Variants in RAG1 observed in about 807,000 individuals in gnomAD.
The protein encoded by RAG1 is V(D)J recombination-activating protein 1.
Under a neutral mutation model 62.7 loss-of-function variants are expected in RAG1, and 35 were observed. The ratio of observed to expected loss-of-function variants is 0.56; its 90% CI spans 0.43 to 0.74. The LOEUF (loss-of-function observed/expected upper bound fraction) is 0.74. Among genes scored for constraint, RAG1 ranks in the 30% least tolerant of loss-of-function variants. The pLI is 0.00. For missense variants in RAG1, 1,169 were observed against 1,278.6 expected, an observed-to-expected ratio of 0.91 and a Z score of 1.31; for synonymous variants, 461 against 470.3, an observed-to-expected ratio of 0.98 and a Z score of 0.26.
intron 3 of RAG1, among the ~76,000 whole-genome samples, chr11:36,562,324 A>G (rs1393841531): frequency 2.0e-5 from 3 of 152,180 alleles, no homozygotes; most frequent in Admixed American, 1.3e-4. Context: ...TTGAGATAAC[A>G]TTGTATTTAA....
At position 36,575,286 on chromosome 11, in the gene RAG1, T is replaced by C; in HGVS notation, c.1982T>C (p.Met661Thr). ...SELCCKPLCL[M>T]LADESDHETL... Reference sequence around the variant, plus strand: ...CTGTGTTGCAAGCCATTGTGCCTTATGCTGGCAGATGAGTCTGACCACGAG... The same window carrying C: ...CTGTGTTGCAAGCCATTGTGCCTTACGCTGGCAGATGAGTCTGACCACGAG... Residue 661 changes from methionine (M) to threonine (T), a missense_variant, in exon 2 of 2, where the codon ATG becomes ACG. Around this residue, in one of 2 missense-constraint regions of RAG1, gnomAD observed 800 missense variants for 943.3 expected, o/e 0.85. Coordinates refer to ENST00000299440, the MANE Select transcript of RAG1 (RefSeq NM_000448.3). The surrounding 1 kb of genome is among the most constrained non-coding windows in gnomAD (Gnocchi z 4.1). The C allele has an allele frequency of 6.2e-7, 1 of 1,614,244 alleles. No homozygotes were observed. The highest frequency in any genetic ancestry group is 8.5e-7 in the Non-Finnish European group (1 of 1,180,042).
chr11:36,562,031 G>C (rs1850591874), intron 3 of RAG1, among the ~76,000 whole-genome samples: 1 of 152,198 alleles, frequency 6.6e-6, no homozygotes, highest in Non-Finnish European at 1.5e-5. Context: ...GGAAAAGGCA[G>C]GGAAAGTCAT....
At chr11:36,560,056 G>T (rs938048764) in intron 3 of RAG1, among the ~76,000 whole-genome samples, 4 of 152,140 alleles carry the variant, frequency 2.6e-5, no homozygotes, top group African/African-American at 9.7e-5. Context: ...AGTGTCGATT[G>T]GGTAAAGTGG....
chr11:36,540,233 G>C (rs940562425), downstream of RAG1, among the ~76,000 whole-genome samples: 1 of 152,124 alleles, frequency 6.6e-6, no homozygotes, highest in Non-Finnish European at 1.5e-5. Flanking sequence ...ATTGCCTGCT[G>C]TAATCTTCAA....
At position 36,575,321 on chromosome 11, in the gene RAG1, G is replaced by A; in HGVS notation, c.2017G>A (p.Ala673Thr). 1 of 1,614,168 alleles carries A rather than the reference G, an allele frequency of 6.2e-7. No homozygotes were observed. The highest frequency in any genetic ancestry group is 8.5e-7 in the Non-Finnish European group (1 of 1,180,018). The change falls in exon 2 of 2, where the codon GCC becomes ACC. Residue 673 changes from alanine (A) to threonine (T), a missense_variant. By Grantham distance (58) the Ala-to-Thr change is moderately conservative (BLOSUM62 0). This residue lies in a region of RAG1 where 800 missense variants were observed against 943.3 expected (regional missense o/e 0.85). Transcript: ENST00000299440. This position sits in a 1 kb window ranked among gnomAD's most constrained non-coding sequence, Gnocchi z 4.1. ...TGAGTCTGACCACGAGACGCTGACT[G>A]CCATCCTGAGTCCTCTCATTGCTGA... ...ADESDHETLT[A>T]ILSPLIAERE...
chr11:36,523,048 C>T (rs1250268341), intron 2 of RAG1, among the ~76,000 whole-genome samples: 1 of 152,144 alleles, frequency 6.6e-6, no homozygotes, highest in African/African-American at 2.4e-5. Context: ...AGACTTTGGA[C>T]TGTGGACTTT....
chr11:36,542,527 G>A (rs2133265833), intron 3 of RAG1, among the ~76,000 whole-genome samples: 1 of 152,290 alleles, frequency 6.6e-6, no homozygotes, highest in South Asian at 2.1e-4. Context: ...AGGAAGAGGG[G>A]CTGCCCCAGA....
intron 3 of RAG1, among the ~76,000 whole-genome samples, chr11:36,547,220 T>C (rs996743011): frequency 6.6e-6 from 1 of 151,976 alleles, no homozygotes; most frequent in Non-Finnish European, 1.5e-5. Flanking sequence ...TAAAAAGAAC[T>C]AGAGAAGCAA....
At chr11:36,515,019 C>G (rs1335740164) in intron 1 of RAG1, among the ~76,000 whole-genome samples, 2 of 152,160 alleles carry the variant, frequency 1.3e-5, no homozygotes, top group African/African-American at 4.8e-5. Flanking sequence ...GGAACTAAAG[C>G]AGCAGGCTTC....
chr11:36,529,290 C>T (rs1860214571), intron 2 of RAG1, among the ~76,000 whole-genome samples: 1 of 152,128 alleles, frequency 6.6e-6, no homozygotes, highest in Admixed American at 6.5e-5. Flanking sequence ...AAAGCTTTAT[C>T]CACCATGATC....
intron 3 of RAG1, among the ~76,000 whole-genome samples, chr11:36,558,563 T>C (rs1850535977): frequency 6.6e-6 from 1 of 152,194 alleles, no homozygotes; most frequent in East Asian, 1.9e-4. Flanking sequence ...AAGTCTATTT[T>C]ATCTAATATA....
chr11:36,567,450 G>A (rs765807855), upstream of RAG1: 1 of 152,058 alleles, frequency 6.6e-6, no homozygotes, highest in African/African-American at 2.4e-5. Context: ...GTCCATACTC[G>A]AGTAATGTTT....
upstream of RAG1, chr11:36,565,950 T>A (rs911891925): frequency 3.9e-5 from 6 of 152,258 alleles, no homozygotes; most frequent in Admixed American, 1.3e-4. Context: ...AGGCACCCAA[T>A]ATTTTGTTAT....
downstream of RAG1, among the ~76,000 whole-genome samples, chr11:36,538,856 T>G (rs994512431): frequency 1.3e-5 from 2 of 152,170 alleles, no homozygotes; most frequent in Admixed American, 1.3e-4. Flanking sequence ...GTCACCTCCC[T>G]TCCCACCCAT....
At chr11:36,562,658 G>A (rs1031300491) in intron 3 of RAG1, among the ~76,000 whole-genome samples, 2 of 152,124 alleles carry the variant, frequency 1.3e-5, no homozygotes, top group African/African-American at 2.4e-5. Flanking sequence ...CTCCTTGGGT[G>A]GGTGGATGAA....
upstream of RAG1, among the ~76,000 whole-genome samples, chr11:36,564,537 C>T (rs561242522): frequency 6.6e-6 from 1 of 152,140 alleles, no homozygotes; most frequent in Non-Finnish European, 1.5e-5. Flanking sequence ...AGAATATAGG[C>T]TTTTCTTTGC....
chr11:36,545,062 G>T (rs1399958283), intron 3 of RAG1, among the ~76,000 whole-genome samples: 1 of 152,196 alleles, frequency 6.6e-6, no homozygotes, highest in Non-Finnish European at 1.5e-5. Flanking sequence ...TGAAAAGATA[G>T]ATTAGAATTT....
upstream of RAG1, chr11:36,567,920 C>T (rs1015719974): frequency 1.3e-5 from 2 of 152,338 alleles, no homozygotes; most frequent in African/African-American, 4.8e-5. Context: ...CCATGATTGG[C>T]TGCCATCATT....
chr11:36,518,363 G>A (rs972821437), intron 1 of RAG1, among the ~76,000 whole-genome samples: 2 of 152,136 alleles, frequency 1.3e-5, no homozygotes, highest in African/African-American at 2.4e-5. Flanking sequence ...CCCAGTAATG[G>A]GATGGATGGG....
Sources: allele counts gnomAD v4.1 joint callset (sites outside exome capture counted in the v4.1 genomes callset), GRCh38; gene constraint gnomAD v4.1.1; regional missense constraint gnomAD v4.1.1; non-coding constraint Gnocchi (gnomAD v3.1); transcripts MANE v1.5; gene names NCBI Gene and HGNC (gene_info 2026-07-23, HGNC 2026-07-21).